POM121C: variants seen among roughly 807,000 people sequenced by gnomAD.
The protein encoded by POM121C is POM121 transmembrane nucleoporin C, also known as nuclear envelope pore membrane protein POM 121C.
A neutral mutation model predicts 66.4 loss-of-function variants in POM121C; 20 were observed. The ratio of observed to expected loss-of-function variants is 0.30; its 90% CI spans 0.21 to 0.44. The LOEUF (loss-of-function observed/expected upper bound fraction) is 0.44, where lower values mean the gene tolerates loss of function less well. POM121C is among the 20% of genes least tolerant of loss of function. POM121C has a pLI of 1.00. For synonymous variants in POM121C, 286 were observed against 528.0 expected (o/e 0.54, Z 6.28); for missense variants, 580 against 1,225.7 (o/e 0.47, Z 7.87).
intron 7 of POM121C, among the ~76,000 whole-genome samples, chr7:75,433,417 G>A (rs184231123): frequency 2.6e-5 from 4 of 151,710 alleles, no homozygotes; most frequent in African/African-American, 4.8e-5. Context: ...GTGTAGTGGC[G>A]CGGTCTCTGC....
intron 1 of POM121C, among the ~76,000 whole-genome samples, chr7:75,476,942 G>C (rs1448027654): frequency 1.3e-5 from 2 of 151,782 alleles, no homozygotes; most frequent in African/African-American, 4.8e-5. Flanking sequence ...GACAGAAAAA[G>C]CTGATTTAAA....
chr7:75,460,956 AC>A (rs1426467519), intron 3 of POM121C, among the ~76,000 whole-genome samples: 3 of 152,004 alleles, frequency 2.0e-5, no homozygotes, highest in Non-Finnish European at 4.4e-5. Context: ...CCTCTGCCCC[AC>A]CCCATTTAAA....
rs1468000634 is a variant in POM121C at position 75,442,833 on chromosome 7, C to T, written c.-151-1186G>A. ...GCGCGACTCGGGGAGACGCTACAGC[C>T]CGGCAGCTCCCGAGACACAGCTGTT... On this transcript the variant is annotated intron_variant, in intron 3 of 14. Transcript: ENST00000615331. The T allele has an allele frequency of 5.1e-5, 58 of 1,129,500 alleles. No individual in the cohort carries two copies. In the South Asian group the frequency reaches 1.5e-3, roughly 30 times the overall value. 70.0% of individuals were successfully genotyped at this position (1,129,500 alleles called of 1,614,324 possible).
intron 1 of POM121C, among the ~76,000 whole-genome samples, chr7:75,478,119 A>G (rs1190696779): frequency 1.3e-5 from 2 of 152,122 alleles, no homozygotes. Context: ...GGCGTGCACC[A>G]GCATGCCCGG....
intron 3 of POM121C, among the ~76,000 whole-genome samples, chr7:75,447,560 C>T (rs1201284115): frequency 6.6e-6 from 1 of 151,260 alleles, no homozygotes; most frequent in Non-Finnish European, 1.5e-5. Context: ...AAACTGCAAA[C>T]CTAGAATTTT....
intron 3 of POM121C, among the ~76,000 whole-genome samples, chr7:75,454,348 T>C (rs1791132106): frequency 6.6e-6 from 1 of 152,000 alleles, no homozygotes; most frequent in East Asian, 1.9e-4. Context: ...TGAGGAAGAG[T>C]CTCAGGGAGA....
At position 75,421,925 on chromosome 7, in the gene POM121C, C is replaced by A; in HGVS notation, c.2327G>T (p.Gly776Val). The A allele has an allele frequency of 6.2e-7, 1 of 1,613,454 alleles. No individual in the cohort carries two copies. Among genetic ancestry groups the A allele is most frequent in the Non-Finnish European group, 8.5e-7 (1 of 1,179,798 alleles). The change falls in exon 13 of 15, where the codon GGA (glycine) becomes GTA (valine). Residue 776 changes from glycine (G) to valine (V), a missense_variant. Gly to Val is a moderately radical substitution (Grantham distance 109). Transcript: ENST00000615331. ...TFGGATHSAF[G>V]LKATASAFGA... ...GAAGGCGGAAGCCGTGGCTTTCAAT[C>A]CAAACGCCGAGTGCGTGGCACCGCC...
chr7:75,440,916 A>G, intron 5 of POM121C, 38 bp downstream of exon 5: 2 of 1,613,814 alleles, frequency 1.2e-6, no homozygotes, highest in Non-Finnish European at 1.7e-6. Context: ...TAGGGGTCCA[A>G]GCGGGAAACT....
chr7:75,441,792 AC>A (rs1790660007), intron 3 of POM121C, 145 bp from the exon 4 acceptor site: 1 of 743,834 alleles, frequency 1.3e-6, no homozygotes, highest in Admixed American at 2.7e-5. Context: ...TTTTATGGCA[AC>A]TTTCCCCTAT....
At chr7:75,427,019 C>T (rs1789968799) in intron 7 of POM121C, among the ~76,000 whole-genome samples, 1 of 144,590 alleles carries the variant, frequency 6.9e-6, no homozygotes, top group African/African-American at 2.5e-5. Context: ...CAAACCTGTG[C>T]CAGACTGTCT....
chr7:75,453,055 C>T (rs1362435375), intron 3 of POM121C, among the ~76,000 whole-genome samples: 2 of 152,018 alleles, frequency 1.3e-5, no homozygotes, highest in South Asian at 2.1e-4. Flanking sequence ...TGTATGACAC[C>T]CACACCTTCT....
chr7:75,429,072 G>A (rs1245216853), intron 7 of POM121C, among the ~76,000 whole-genome samples: 9 of 152,040 alleles, frequency 5.9e-5, no homozygotes, highest in South Asian at 4.1e-4. Context: ...TTGACTGTAC[G>A]TACACACTCA....
chr7:75,437,205 T>C (rs1363217414), intron 7 of POM121C, among the ~76,000 whole-genome samples: 1 of 152,246 alleles, frequency 6.6e-6, no homozygotes, highest in Non-Finnish European at 1.5e-5. Context: ...TGCTGGCCTA[T>C]ATTGATCACT....
In POM121C at chr7:75,485,969, A is replaced by T; in HGVS notation, c.-563T>A. Reference sequence around the variant, plus strand: ...CGCGAGGTCCCCTCCTGTCCACCTCACCAAGGCTGTTCTGCTCCCGAGGGG... The same window carrying T: ...CGCGAGGTCCCCTCCTGTCCACCTCTCCAAGGCTGTTCTGCTCCCGAGGGG... On this transcript the variant is annotated 5_prime_UTR_variant, in exon 1 of 15. Coordinates refer to ENST00000615331, the MANE Select transcript of POM121C (RefSeq NM_001099415.3). 2.0e-6 allele frequency: 1 copy of T among 497,268 alleles called. No homozygotes were observed. The highest frequency in any genetic ancestry group is 4.0e-6 in the Non-Finnish European group (1 of 251,622). 30.8% of individuals were successfully genotyped at this position (497,268 alleles called of 1,614,324 possible).
intron 3 of POM121C, among the ~76,000 whole-genome samples, chr7:75,464,305 T>C (rs1342273792): frequency 6.6e-6 from 1 of 151,874 alleles, no homozygotes; most frequent in Non-Finnish European, 1.5e-5. Context: ...AAATAGAAAA[T>C]ATTATAGACA....
In POM121C at chr7:75,422,024, G is replaced by C. The variant is rs782667907; in HGVS notation, c.2228C>G (p.Ala743Gly). The C allele has an allele frequency of 6.2e-7, 1 of 1,613,606 alleles. No individual in the cohort carries two copies. The highest frequency in any genetic ancestry group is 8.5e-7 in the Non-Finnish European group (1 of 1,179,682). Residue 743 changes from alanine to glycine, a missense_variant, in exon 13 of 15, where the codon GCA becomes GGA. Transcript: ENST00000615331. ...GNSAAPAPAT[A>G]PTPAPASTIK... ...CGTGGACGCAGGTGCAGGTGTGGGT[G>C]CAGTAGCCGGGGCCGGGGCTGCAGA... is the stretch of plus-strand genomic sequence containing the variant.
chr7:75,469,147 T>G (rs1168255890), intron 3 of POM121C, among the ~76,000 whole-genome samples: 1 of 151,978 alleles, frequency 6.6e-6, no homozygotes, highest in African/African-American at 2.4e-5. Flanking sequence ...TTGCCCAGGC[T>G]GGAGTGCAGT....
Position 75,485,864 on chromosome 7 carries a change from C to T in POM121C, c.-458G>A, listed in dbSNP as rs1348347003. The T allele has an allele frequency of 7.9e-6, 4 of 507,998 alleles. No homozygotes were observed. Among genetic ancestry groups the T allele is most frequent in the African/African-American group, 7.7e-5 (4 of 51,698 alleles). 31.5% of individuals were successfully genotyped at this position (507,998 alleles called of 1,614,324 possible). A position where few individuals can be genotyped will look rare whatever the true frequency, so the allele number is the denominator to read the frequency against. On this transcript the variant is annotated splice_region_variant and 5_prime_UTR_variant, in exon 1 of 15. Coordinates refer to ENST00000615331, the MANE Select transcript of POM121C (RefSeq NM_001099415.3). Reference sequence around the variant, plus strand: ...CCGGGCCCAAAAACCCAAGACTTACCCTCCTGGGGCTCCGCAGCCTCTGCC... The same window carrying T: ...CCGGGCCCAAAAACCCAAGACTTACTCTCCTGGGGCTCCGCAGCCTCTGCC...
chr7:75,462,212 G>A (rs1554477140), intron 3 of POM121C, among the ~76,000 whole-genome samples: 1 of 150,852 alleles, frequency 6.6e-6, no homozygotes, highest in Admixed American at 6.6e-5. Context: ...GAGTTCTCAC[G>A]AGATCTGATG....
Sources: allele counts gnomAD v4.1 joint callset (sites outside exome capture counted in the v4.1 genomes callset), GRCh38; gene constraint gnomAD v4.1.1; transcripts MANE v1.5; gene names NCBI Gene and HGNC (gene_info 2026-07-23, HGNC 2026-07-21).